Variants in PYROXD1 observed in about 807,000 individuals in gnomAD.
PYROXD1 encodes pyridine nucleotide-disulphide oxidoreductase domain 1.
PYROXD1 carries 42 observed loss-of-function variants against 62.0 expected under a neutral mutation model. That is an observed-to-expected ratio of 0.68 (90% CI 0.53 to 0.88). The LOEUF is 0.88. PYROXD1 is among the 40% of genes least tolerant of loss of function. PYROXD1 has a pLI of 0.00. For missense variants in PYROXD1, 493 were observed against 604.8 expected, an observed-to-expected ratio of 0.82 and a Z score of 1.94; for synonymous variants, 170 against 206.4, an observed-to-expected ratio of 0.82 and a Z score of 1.51.
chr12:21,467,620 T>A lies in PYROXD1; in HGVS notation c.1254+2T>A. 6.2e-7 allele frequency: 1 copy of A among 1,604,822 alleles called. No individual in the cohort carries two copies. Among genetic ancestry groups the A allele is most frequent in the Non-Finnish European group, 8.5e-7 (1 of 1,173,416 alleles). Reference sequence around the variant, plus strand: ...GTGACAAAATTTTTTAACTATAAGGTAAGATAGTTAAGCATATTAATGCCT... The same window carrying A: ...GTGACAAAATTTTTTAACTATAAGGAAAGATAGTTAAGCATATTAATGCCT... On this transcript the variant is annotated splice_donor_variant, in intron 11 of 11. Transcript: ENST00000240651. LOFTEE classifies it high-confidence loss of function.
chr12:21,458,556 A>G (rs1017367946), intron 7 of PYROXD1, among the ~76,000 whole-genome samples: 1 of 152,190 alleles, frequency 6.6e-6, no homozygotes, highest in Non-Finnish European at 1.5e-5. Flanking sequence ...CAATAACCCT[A>G]ATAATCATTG....
At chr12:21,465,136 G>T (rs1344331249) in intron 10 of PYROXD1, among the ~76,000 whole-genome samples, 1 of 152,158 alleles carries the variant, frequency 6.6e-6, no homozygotes, top group Non-Finnish European at 1.5e-5. Context: ...ACATACGTGT[G>T]CATGTGTCTT....
At chr12:21,462,481 C>G (rs1347072629) in intron 9 of PYROXD1, among the ~76,000 whole-genome samples, 2 of 149,864 alleles carry the variant, frequency 1.3e-5, no homozygotes, top group Non-Finnish European at 3.0e-5. Flanking sequence ...AAAGAATATT[C>G]TTGTAGTTAT....
intron 7 of PYROXD1, chr12:21,457,107 A>G (rs1039032171): frequency 1.2e-4 from 32 of 276,018 alleles, no homozygotes; most frequent in African/African-American, 7.0e-4. Context: ...ACTTCTTTCA[A>G]GCTTTTGTTA....
intron 3 of PYROXD1, among the ~76,000 whole-genome samples, chr12:21,447,321 C>T (rs1942408457): frequency 6.6e-6 from 1 of 152,102 alleles, no homozygotes; most frequent in South Asian, 2.1e-4. Context: ...TCTGAATCCC[C>T]AAACCAGATA....
chr12:21,462,985 G>T, intron 10 of PYROXD1, 123 bp downstream of exon 10: 1 of 790,362 alleles, frequency 1.3e-6, no homozygotes, highest in Non-Finnish European at 1.9e-6. Flanking sequence ...AGCTAGCACA[G>T]TTGTTATATA....
At chr12:21,460,966 A>AG (rs1309644313) in intron 7 of PYROXD1, 59 bp from the exon 8 acceptor site, 1 of 1,078,978 alleles carries the variant, frequency 9.3e-7, no homozygotes, top group Non-Finnish European at 1.3e-6. Context: ...CTTCATCATT[A>AG]GTAACCCGGG....
At chr12:21,440,645 A>G (rs1181432984) in intron 2 of PYROXD1, among the ~76,000 whole-genome samples, 197 bp downstream of exon 2, 1 of 143,394 alleles carries the variant, frequency 7.0e-6, no homozygotes, top group African/African-American at 2.6e-5. Context: ...TCCAATTTGG[A>G]TGCCTTTTAT....
chr12:21,466,955 T>A lies in PYROXD1; in HGVS notation c.1117-526T>A, dbSNP rs58077347. Among the ~76,000 whole-genome samples, 1,211 of 152,210 alleles carry A rather than the reference T, an allele frequency of 8.0e-3. 16 individuals carry two copies. The highest frequency in any genetic ancestry group is 0.024 in the African/African-American group (999 of 41,540). ...TAAAATAAAAATACAATAGATGAATTAATACGGTCATGCAAAACAATTTAA... is the reference window on the plus strand; with the variant it reads ...TAAAATAAAAATACAATAGATGAATAAATACGGTCATGCAAAACAATTTAA... On this transcript the variant is annotated intron_variant, in intron 10 of 11. Transcript: ENST00000240651.
chr12:21,452,172 AAT>A lies in PYROXD1; in HGVS notation c.488+21_488+22del. The A allele has an allele frequency of 7.1e-7, 1 of 1,403,952 alleles. No homozygotes were observed. The highest frequency in any genetic ancestry group is 9.6e-7 in the Non-Finnish European group (1 of 1,045,726). The allele number at this position is 1,403,952 out of a possible 1,614,324, so 87.0% of individuals were successfully genotyped here. A position where few individuals can be genotyped will look rare whatever the true frequency, so the allele number is the denominator to read the frequency against. ...GAGTTAGTGTAAGTATATATTTTTA[AAT>A]ATGATAACATTTAAATTGTTTAAAA... On this transcript the variant is annotated intron_variant, in intron 5 of 11. Coordinates refer to ENST00000240651, the MANE Select transcript of PYROXD1 (RefSeq NM_024854.5).
intron 5 of PYROXD1, among the ~76,000 whole-genome samples, chr12:21,452,755 A>G (rs1240747848): frequency 1.3e-5 from 2 of 152,136 alleles, no homozygotes; most frequent in African/African-American, 2.4e-5. Flanking sequence ...GATTCACTTC[A>G]TGATTTTATC....
intron 11 of PYROXD1, 72 bp downstream of exon 11, chr12:21,467,690 C>G: frequency 8.3e-7 from 1 of 1,210,186 alleles, no homozygotes; most frequent in Non-Finnish European, 1.2e-6. Context: ...ATGTGATTTT[C>G]TTGCTTGAAT....
In PYROXD1 at chr12:21,464,832, A is replaced by T. The variant is rs563368043; in HGVS notation, c.1116+1970A>T. The stretch of plus-strand genomic sequence containing the variant: ...TGTTGGTGTGCTGCACCCCCACCCC[A>T]CAAGAGTCCCCGGTGTGTGATGTTC... On this transcript the variant is annotated intron_variant, in intron 10 of 11. Transcript: ENST00000240651. 7.2e-5 allele frequency among the ~76,000 whole-genome samples: 11 copies of T among 151,816 alleles called. No individual in the cohort carries two copies. The South Asian group carries it at 2.1e-3, about 29-fold the overall frequency.
intron 4 of PYROXD1, among the ~76,000 whole-genome samples, 198 bp downstream of exon 4, chr12:21,449,889 G>T (rs539221298): frequency 1.4e-5 from 2 of 146,224 alleles, no homozygotes; most frequent in Admixed American, 7.0e-5. Flanking sequence ...ACGGAGTCTC[G>T]CTCTGTTGCC....
At position 21,470,124 on chromosome 12, in the gene PYROXD1, T is replaced by G. The variant is rs1416115008; in HGVS notation, c.*1370T>G. On this transcript the variant is annotated 3_prime_UTR_variant, in exon 12 of 12. Coordinates refer to ENST00000240651, the MANE Select transcript of PYROXD1 (RefSeq NM_024854.5). ...TATGAAATTCTTTTAAAAACTATTG[T>G]CTAACTACAAAAATAATGGCATATA... The G allele has an allele frequency of 6.5e-7, 1 of 1,538,144 alleles. No individual in the cohort carries two copies. The highest frequency in any genetic ancestry group is 8.8e-7 in the Non-Finnish European group (1 of 1,132,190).
Position 21,462,783 on chromosome 12 carries a change from T to G in PYROXD1, c.1037T>G (p.Met346Arg), listed in dbSNP as rs148769328. 14 of 1,613,978 alleles carry G rather than the reference T, an allele frequency of 8.7e-6. No individual in the cohort carries two copies. The highest frequency in any genetic ancestry group is 1.3e-5 in the African/African-American group (1 of 74,936). The change falls in exon 10 of 12, where the codon ATG becomes AGG. Residue 346 changes from methionine to arginine, a missense_variant. Around this residue, in one of 2 missense-constraint regions of PYROXD1, gnomAD observed 329 missense variants for 446.6 expected, o/e 0.74. Coordinates refer to ENST00000240651, the MANE Select transcript of PYROXD1 (RefSeq NM_024854.5). ...EDGGLKVDDH[M>R]HTSLPDIYAA... ...GGTGGCCTGAAAGTGGATGATCATA[T>G]GCACACATCCCTTCCTGATATCTAT...
Position 21,468,809 on chromosome 12 carries a change from C to T in PYROXD1, c.*55C>T. On this transcript the variant is annotated 3_prime_UTR_variant, in exon 12 of 12. Transcript: ENST00000240651. ...GTTCCAAATGACACCAGAAAAATCA[C>T]AAGTCAATAAAATGAATGACTGTAT... 1.3e-6 allele frequency: 2 copies of T among 1,505,058 alleles called. No individual in the cohort carries two copies. Among genetic ancestry groups the T allele is most frequent in the Non-Finnish European group, 1.8e-6 (2 of 1,109,104 alleles). 93.2% of individuals were successfully genotyped at this position (1,505,058 alleles called of 1,614,324 possible). A position where few individuals can be genotyped will look rare whatever the true frequency, so the allele number is the denominator to read the frequency against.
chr12:21,461,110 C>T lies in PYROXD1; in HGVS notation c.836C>T (p.Ser279Phe). 1 of 1,587,640 alleles carries T rather than the reference C, an allele frequency of 6.3e-7. No homozygotes were observed. The highest frequency in any genetic ancestry group is 8.6e-7 in the Non-Finnish European group (1 of 1,167,148). ...QDEFRILKKK[S>F]FTFPRDHKSV... The stretch of plus-strand genomic sequence containing the variant: ...GAGTTTAGAATTTTGAAGAAAAAGT[C>T]CTTCACTTTTCCAAGAGACCATAAG... The change falls in exon 8 of 12, where the codon TCC becomes TTC. Residue 279 changes from serine (S) to phenylalanine (F), a missense_variant. Ser to Phe is a radical substitution (Grantham distance 155). Transcript: ENST00000240651.
At chr12:21,449,858 CTTTTT>C (rs71537701) in intron 4 of PYROXD1, among the ~76,000 whole-genome samples, 167 bp downstream of exon 4, 1 of 147,376 alleles carries the variant, frequency 6.8e-6, no homozygotes, top group African/African-American at 2.5e-5. Context: ...AATTTTCTTT[CTTTTT>C]TTTTTTTTTT....
Sources: gnomAD v4.1 joint callset for allele counts (sites outside exome capture counted in the v4.1 genomes callset) on GRCh38, gnomAD v4.1.1 for gene constraint, gnomAD v4.1.1 regional missense constraint, MANE v1.5 for transcripts, NCBI Gene and HGNC (gene_info 2026-07-23, HGNC 2026-07-21) for gene names.